The following LRBA variants were observed in gnomAD, a reference collection of about 807,000 sequenced individuals.
LRBA encodes the protein LPS responsive beige-like anchor protein.
In LRBA, 176 loss-of-function variants were observed where a neutral mutation model predicts 330.0. The ratio of observed to expected loss-of-function variants is 0.53; its 90% CI spans 0.47 to 0.60. The LOEUF (loss-of-function observed/expected upper bound fraction) is 0.60. Ranked by LOEUF, LRBA falls within the 20% of genes least tolerant of loss-of-function variation. LRBA has a pLI of 0.00. For synonymous variants in LRBA, 1,230 were observed against 1,193.0 expected, an observed-to-expected ratio of 1.03 and a Z score of -0.64; for missense variants, 3,259 against 3,444.8, an observed-to-expected ratio of 0.95 and a Z score of 1.35.
chr4:150,516,217 C>CTTTTTTTTTTTT lies in LRBA; in HGVS notation c.6331-25194_6331-25183dup, dbSNP rs869205771. Among the ~76,000 whole-genome samples the CTTTTTTTTTTTT allele has an allele frequency of 3.7e-4, 11 of 29,410 alleles. 2 individuals are homozygous for CTTTTTTTTTTTT. The highest frequency in any genetic ancestry group is 3.5e-3 in the East Asian group (4 of 1,156). The allele number at this position is 29,410 out of a possible 152,430, so 19.3% of individuals were successfully genotyped here. A position where few individuals can be genotyped will look rare whatever the true frequency, so the allele number is the denominator to read the frequency against. On this transcript the variant is annotated intron_variant, in intron 40 of 56. Transcript: ENST00000651943. ...AATTCAGTCTGACATTTTCTATTCT[C>CTTTTTTTTTTTT]TTTTTTTTTTTTTTTTTTTTTTTTT...
At chr4:150,645,996 GCTTT>G (rs990867971) in intron 37 of LRBA, among the ~76,000 whole-genome samples, 14 of 147,802 alleles carry the variant, frequency 9.5e-5, no homozygotes, top group African/African-American at 3.5e-4. Flanking sequence ...ATTAAAATTT[GCTTT>G]CTGTCTTGTT....
At chr4:150,384,271 C>T (rs983657744) in intron 47 of LRBA, among the ~76,000 whole-genome samples, 5 of 152,020 alleles carry the variant, frequency 3.3e-5, no homozygotes, top group African/African-American at 1.2e-4. Flanking sequence ...CTCCCGACCT[C>T]AGGTGATCCG....
intron 2 of LRBA, among the ~76,000 whole-genome samples, chr4:150,961,932 T>C (rs1738192942): frequency 1.3e-5 from 2 of 149,338 alleles, no homozygotes; most frequent in South Asian, 2.1e-4. Flanking sequence ...GGTACAATTA[T>C]TGTATTTTTA....
chr4:150,977,913 T>C (rs1390123122), intron 2 of LRBA, among the ~76,000 whole-genome samples: 2 of 152,244 alleles, frequency 1.3e-5, no homozygotes, highest in African/African-American at 2.4e-5. Flanking sequence ...ATTCCACTCC[T>C]TGGCTCCTGG....
intron 47 of LRBA, among the ~76,000 whole-genome samples, chr4:150,386,552 ATAAT>A (rs1349845059): frequency 1.3e-5 from 2 of 151,770 alleles, no homozygotes; most frequent in African/African-American, 2.4e-5. Context: ...TTTGCTGAGG[ATAAT>A]GGCCTCCAGC....
At chr4:150,558,363 A>C (rs1767603276) in intron 40 of LRBA, among the ~76,000 whole-genome samples, 1 of 152,152 alleles carries the variant, frequency 6.6e-6, no homozygotes, top group Non-Finnish European at 1.5e-5. Context: ...TTAGCTATTT[A>C]TTTCAGTATG....
In LRBA at chr4:151,014,781, G is replaced by C. The variant is rs369864966; in HGVS notation, c.-139C>G. ...GAGATACCCCAAAGCAGTTGATGTG[G>C]AAAGTCCTTGGCGTCGCCCTCCTCC... On this transcript the variant is annotated 5_prime_UTR_variant, in exon 2 of 57. Transcript: ENST00000651943. The C allele has an allele frequency of 2.2e-4, 132 of 607,112 alleles. No individual in the cohort carries two copies. The highest frequency in any genetic ancestry group is 1.0e-3 in the South Asian group (48 of 45,762). The allele number at this position is 607,112 out of a possible 1,614,324, so 37.6% of individuals were successfully genotyped here. A position where few individuals can be genotyped will look rare whatever the true frequency, so the allele number is the denominator to read the frequency against.
intron 25 of LRBA, 69 bp from the exon 26 acceptor site, chr4:150,849,067 T>C: frequency 9.8e-7 from 1 of 1,023,268 alleles, no homozygotes. Context: ...GATATAGTCC[T>C]AAAATTTATA....
At chr4:150,718,250 A>G (rs1217238620) in intron 36 of LRBA, among the ~76,000 whole-genome samples, 1 of 119,816 alleles carries the variant, frequency 8.3e-6, no homozygotes, top group Non-Finnish European at 1.8e-5. Flanking sequence ...AACTAAATAG[A>G]TGCACATTGC....
chr4:150,825,148 T>G (rs188578247), intron 30 of LRBA, among the ~76,000 whole-genome samples: 21 of 152,212 alleles, frequency 1.4e-4, no homozygotes, highest in Admixed American at 5.9e-4. Flanking sequence ...CACAAACACT[T>G]AGAAATAGTA....
chr4:150,767,262 C>T (rs1224255719), intron 34 of LRBA, among the ~76,000 whole-genome samples: 4 of 151,968 alleles, frequency 2.6e-5, no homozygotes, highest in Non-Finnish European at 5.9e-5. Flanking sequence ...TCTCCTAGAA[C>T]GTATTTTAGT....
At chr4:150,548,900 C>G (rs998168507) in intron 40 of LRBA, among the ~76,000 whole-genome samples, 1 of 152,134 alleles carries the variant, frequency 6.6e-6, no homozygotes, top group African/African-American at 2.4e-5. Context: ...GGTTACATAG[C>G]TGCAAAGAAA....
chr4:150,423,432 G>T, intron 46 of LRBA: 1 of 613,550 alleles, frequency 1.6e-6, no homozygotes, highest in East Asian at 3.0e-5. Flanking sequence ...TGGAGGCTCT[G>T]GCGGTGAGCT....
chr4:150,846,903 T>A (rs898326568), intron 26 of LRBA, among the ~76,000 whole-genome samples: 1 of 152,148 alleles, frequency 6.6e-6, no homozygotes, highest in African/African-American at 2.4e-5. Flanking sequence ...ACTAGGAACA[T>A]AGAGTATTTC....
At chr4:150,755,214 G>A (rs1330988723) in intron 35 of LRBA, among the ~76,000 whole-genome samples, 2 of 152,168 alleles carry the variant, frequency 1.3e-5, no homozygotes, top group African/African-American at 4.8e-5. Flanking sequence ...CTAAGTAGAT[G>A]AATTTTGAAG....
intron 26 of LRBA, among the ~76,000 whole-genome samples, chr4:150,845,262 T>C (rs1414276518): frequency 1.3e-5 from 2 of 152,200 alleles, no homozygotes; most frequent in Non-Finnish European, 2.9e-5. Flanking sequence ...GTTCTTCTTA[T>C]ATTGCATCAT....
At chr4:150,393,399 C>A (rs1433729289) in intron 47 of LRBA, among the ~76,000 whole-genome samples, 2 of 151,646 alleles carry the variant, frequency 1.3e-5, no homozygotes, top group Non-Finnish European at 2.9e-5. Context: ...TTTCTCCCCC[C>A]CACCTCTACA....
chr4:150,343,225 C>T (rs906394031), intron 48 of LRBA, among the ~76,000 whole-genome samples: 4 of 152,116 alleles, frequency 2.6e-5, no homozygotes, highest in East Asian at 1.9e-4. Context: ...AGCTGTACTC[C>T]GATCCTAAAG....
intron 36 of LRBA, among the ~76,000 whole-genome samples, chr4:150,708,210 T>C (rs1258423800): frequency 2.0e-5 from 3 of 151,806 alleles, no homozygotes; most frequent in Non-Finnish European, 4.4e-5. Flanking sequence ...TCTTCATCTC[T>C]GTCAGCTCCT....
Sources: gnomAD v4.1 joint callset for allele counts (sites outside exome capture counted in the v4.1 genomes callset) on GRCh38, gnomAD v4.1.1 for gene constraint, MANE v1.5 for transcripts, NCBI Gene and HGNC (gene_info 2026-07-23, HGNC 2026-07-21) for gene names.